Variants in AUTS2 observed in about 807,000 individuals in gnomAD.
AUTS2 encodes activator of transcription and developmental regulator AUTS2.
In AUTS2, 17 loss-of-function variants were observed where a neutral mutation model predicts 112.4. That is an observed-to-expected ratio of 0.15 (90% confidence interval 0.10 to 0.23). The LOEUF is 0.23. Among genes scored for constraint, AUTS2 ranks in the 10% least tolerant of loss-of-function variants. The pLI is 1.00. For synonymous variants in AUTS2, 751 were observed against 702.7 expected (o/e 1.07, Z -1.09); for missense variants, 1,510 against 1,701.6 (o/e 0.89, Z 1.98).
chr7:70,570,124 G>A (rs757342933), intron 5 of AUTS2, among the ~76,000 whole-genome samples: 32 of 152,218 alleles, frequency 2.1e-4, no homozygotes, highest in Non-Finnish European at 4.3e-4. Context: ...AGACCTGGAT[G>A]AAAGTGCAGC....
At chr7:70,370,426 T>C (rs1313338324) in intron 4 of AUTS2, among the ~76,000 whole-genome samples, 1 of 152,244 alleles carries the variant, frequency 6.6e-6, no homozygotes, top group Non-Finnish European at 1.5e-5. Context: ...AATGGAATCA[T>C]ACAATATATG....
chr7:70,495,617 G>C (rs1399553729), intron 5 of AUTS2, among the ~76,000 whole-genome samples: 1 of 133,300 alleles, frequency 7.5e-6, no homozygotes, highest in African/African-American at 2.8e-5. Context: ...CACGTACACA[G>C]TCGCACACAC....
chr7:70,300,470 T>C (rs936289072), intron 4 of AUTS2, among the ~76,000 whole-genome samples: 2 of 152,220 alleles, frequency 1.3e-5, no homozygotes, highest in Admixed American at 6.5e-5. Context: ...TGCAGGTTTT[T>C]GAGCATGAAT....
chr7:69,807,170 A>C (rs897369629), intron 1 of AUTS2, among the ~76,000 whole-genome samples: 4 of 152,212 alleles, frequency 2.6e-5, no homozygotes, highest in African/African-American at 9.6e-5. Context: ...TTTTGTTTCC[A>C]GTCGTTTTTC....
At chr7:69,866,581 T>C (rs1793243074) in intron 1 of AUTS2, among the ~76,000 whole-genome samples, 1 of 152,144 alleles carries the variant, frequency 6.6e-6, no homozygotes, top group Non-Finnish European at 1.5e-5. Context: ...CTTTTTCTAT[T>C]AATTTTAAAT....
At chr7:70,141,259 G>C (rs915607696) in intron 4 of AUTS2, among the ~76,000 whole-genome samples, 3 of 152,132 alleles carry the variant, frequency 2.0e-5, no homozygotes, top group African/African-American at 7.2e-5. Flanking sequence ...TGATTACAGG[G>C]AATGTGGGAT....
chr7:70,771,953 C>T (rs1288819533), intron 11 of AUTS2, among the ~76,000 whole-genome samples: 1 of 152,164 alleles, frequency 6.6e-6, no homozygotes, highest in Non-Finnish European at 1.5e-5. Flanking sequence ...AACTTCTGGT[C>T]AGGAATTCTA....
intron 2 of AUTS2, among the ~76,000 whole-genome samples, chr7:70,110,949 GC>G (rs1189732212): frequency 7.3e-6 from 1 of 137,764 alleles, no homozygotes. Flanking sequence ...TCAGCTCACT[GC>G]AAGCTCCGCC....
chr7:70,139,948 A>C (rs1384927309), intron 4 of AUTS2, among the ~76,000 whole-genome samples: 1 of 152,130 alleles, frequency 6.6e-6, no homozygotes, highest in African/African-American at 2.4e-5. Context: ...TTGCAGTGAG[A>C]CAGGATGGCG....
At chr7:70,714,076 A>T (rs1810218215) in intron 6 of AUTS2, among the ~76,000 whole-genome samples, 1 of 152,172 alleles carries the variant, frequency 6.6e-6, no homozygotes, top group South Asian at 2.1e-4. Flanking sequence ...TCAATAGGGA[A>T]TATTTTCAAC....
At chr7:70,764,335 A>G (rs1006361703) in intron 7 of AUTS2, among the ~76,000 whole-genome samples, 1 of 152,180 alleles carries the variant, frequency 6.6e-6, no homozygotes, top group African/African-American at 2.4e-5. Context: ...AGGTAACAAG[A>G]CAGATGGGGG....
chr7:70,660,154 G>A (rs1047400101), intron 5 of AUTS2, among the ~76,000 whole-genome samples: 39 of 151,476 alleles, frequency 2.6e-4, no homozygotes, highest in African/African-American at 9.2e-4. Context: ...TCCAGCCTGA[G>A]CAAGAGAGTG....
intron 1 of AUTS2, among the ~76,000 whole-genome samples, chr7:69,643,857 T>C (rs1794905901): frequency 6.6e-6 from 1 of 152,178 alleles, no homozygotes; most frequent in South Asian, 2.1e-4. Flanking sequence ...GGTGAGAAGA[T>C]TGCTTGAAGC....
At chr7:70,217,520 A>G (rs1811232020) in intron 4 of AUTS2, among the ~76,000 whole-genome samples, 1 of 152,210 alleles carries the variant, frequency 6.6e-6, no homozygotes, top group Non-Finnish European at 1.5e-5. Flanking sequence ...TTTTAACTGC[A>G]AAGACTAAAA....
At chr7:69,751,958 T>A (rs1010973358) in intron 1 of AUTS2, among the ~76,000 whole-genome samples, 1 of 152,214 alleles carries the variant, frequency 6.6e-6, no homozygotes, top group African/African-American at 2.4e-5. Flanking sequence ...TAGTGCCCAA[T>A]ACACAGTACT....
At chr7:69,996,509 G>T (rs1798947707) in intron 2 of AUTS2, among the ~76,000 whole-genome samples, 1 of 152,148 alleles carries the variant, frequency 6.6e-6, no homozygotes, top group African/African-American at 2.4e-5. Context: ...TTTATCTTGA[G>T]ACAAAGGGAA....
rs969558789 is a variant in AUTS2 at position 69,732,793 on chromosome 7, A to C, written c.309+132831A>C. Among the ~76,000 whole-genome samples the C allele has an allele frequency of 3.3e-5, 5 of 152,346 alleles. 1 individual carries two copies. Among genetic ancestry groups the C allele is most frequent in the Admixed American group, 3.3e-4 (5 of 15,290 alleles). On this transcript the variant is annotated intron_variant, in intron 1 of 18. Coordinates refer to ENST00000342771, the MANE Select transcript of AUTS2 (RefSeq NM_015570.4). Reference sequence around the variant, plus strand: ...AAGAGACAATTTATTATATTCTGACACTATCTTTGAATAGTCAAAGAAGGC... The same window carrying C: ...AAGAGACAATTTATTATATTCTGACCCTATCTTTGAATAGTCAAAGAAGGC...
At chr7:70,453,510 C>T (rs555686132) in intron 5 of AUTS2, among the ~76,000 whole-genome samples, 27 of 152,312 alleles carry the variant, frequency 1.8e-4, no homozygotes, top group Non-Finnish European at 3.2e-4. Flanking sequence ...ACAAACTTGG[C>T]GGCTTAAAAC....
At chr7:70,171,882 T>C (rs1458235779) in intron 4 of AUTS2, among the ~76,000 whole-genome samples, 2 of 148,602 alleles carry the variant, frequency 1.3e-5, no homozygotes, top group Admixed American at 6.7e-5. Context: ...ATGTAGTCTT[T>C]ATTATAAACA....
Sources: gnomAD v4.1 joint callset for allele counts (sites outside exome capture counted in the v4.1 genomes callset) on GRCh38, gnomAD v4.1.1 for gene constraint, MANE v1.5 for transcripts, NCBI Gene and HGNC (gene_info 2026-07-23, HGNC 2026-07-21) for gene names.